Variants in SPATS2L observed in about 807,000 individuals in gnomAD.
SPATS2L encodes spermatogenesis associated serine rich 2 like, also known as SPATS2-like protein.
In SPATS2L, 30 loss-of-function variants were observed where a neutral mutation model predicts 59.6. The ratio of observed to expected loss-of-function variants is 0.50; its 90% CI spans 0.38 to 0.68. The LOEUF (loss-of-function observed/expected upper bound fraction) is 0.68. Ranked by LOEUF, SPATS2L falls within the 30% of genes least tolerant of loss-of-function variation. SPATS2L has a pLI of 0.00. For synonymous variants in SPATS2L, 252 were observed against 263.5 expected (o/e 0.96, Z 0.42); for missense variants, 615 against 700.0 (o/e 0.88, Z 1.37).
intron 1 of SPATS2L, among the ~76,000 whole-genome samples, chr2:200,309,292 G>A (rs1265781702): frequency 3.9e-5 from 6 of 152,206 alleles, no homozygotes. Flanking sequence ...TCTGAGGTGA[G>A]CCAGGACAAG....
Position 200,481,902 on chromosome 2 carries a change from G to C in SPATS2L, c.*3871G>C, listed in dbSNP as rs763643897. 2 of 152,234 alleles carry C rather than the reference G, an allele frequency of 1.3e-5. No individual in the cohort carries two copies. Among genetic ancestry groups the C allele is most frequent in the Non-Finnish European group, 2.9e-5 (2 of 68,096 alleles). The allele number at this position is 152,234 out of a possible 1,614,324, so 9.4% of individuals were successfully genotyped here. A position where few individuals can be genotyped will look rare whatever the true frequency, so the allele number is the denominator to read the frequency against. On this transcript the variant is annotated 3_prime_UTR_variant, in exon 13 of 13. Coordinates refer to ENST00000409140, the MANE Select transcript of SPATS2L (RefSeq NM_001100423.2). ...TCACCGTGTTAGCCAGGATGGTTTT[G>C]ATCTCCTGACCTCGTGATCCACCCC...
chr2:200,465,181 G>A (rs2086509844), intron 9 of SPATS2L, among the ~76,000 whole-genome samples: 1 of 152,192 alleles, frequency 6.6e-6, no homozygotes, highest in African/African-American at 2.4e-5. Context: ...TGCCAAATGG[G>A]GCAGGGGGAA....
At chr2:200,405,779 G>A (rs2082668898) in intron 3 of SPATS2L, among the ~76,000 whole-genome samples, 1 of 152,154 alleles carries the variant, frequency 6.6e-6, no homozygotes, top group Non-Finnish European at 1.5e-5. Flanking sequence ...TTGGTGTGAG[G>A]AGGAGGTTGC....
chr2:200,385,349 A>G (rs565061308), intron 2 of SPATS2L, among the ~76,000 whole-genome samples: 2 of 152,368 alleles, frequency 1.3e-5, no homozygotes, highest in South Asian at 4.1e-4. Context: ...GTGAAAATAT[A>G]TTGAAAAGTT....
Position 200,439,313 on chromosome 2 carries a change from T to C in SPATS2L, c.637T>C (p.Leu213=), listed in dbSNP as rs2106101342. Residue 213 remains leucine, a synonymous_variant, in exon 7 of 13, where the codon TTG becomes CTG. Coordinates refer to ENST00000409140, the MANE Select transcript of SPATS2L (RefSeq NM_001100423.2). ...TCATCTTGAAATAAAGCCAGATGAGTTGGCAAAGAAAAGAGGTAAAGTGAT... is the reference window on the plus strand; with the variant it reads ...TCATCTTGAAATAAAGCCAGATGAGCTGGCAAAGAAAAGAGGTAAAGTGAT... ...AAHLEIKPDE[L]AKKRGPNIEK... is the part of the protein sequence containing the mutation. The C allele has an allele frequency of 1.2e-6, 2 of 1,613,040 alleles. No homozygotes were observed. Among genetic ancestry groups the C allele is most frequent in the African/African-American group, 1.3e-5 (1 of 74,984 alleles).
At chr2:200,399,572 A>T (rs1354347666) in intron 3 of SPATS2L, among the ~76,000 whole-genome samples, 3 of 131,742 alleles carry the variant, frequency 2.3e-5, no homozygotes, top group East Asian at 5.5e-4. Context: ...CTGCCTTTAG[A>T]GGAAAAGCAA....
intron 8 of SPATS2L, among the ~76,000 whole-genome samples, chr2:200,456,456 G>T (rs899600952): frequency 2.0e-5 from 3 of 152,172 alleles, no homozygotes; most frequent in African/African-American, 7.2e-5. Context: ...CCTGTTGCTA[G>T]CCCAGAAGGT....
At position 200,444,927 on chromosome 2, in the gene SPATS2L, C is replaced by T. The variant is rs1185669101; in HGVS notation, c.788+4143C>T. ...AAACTCAGTTATCTTATGTAACTTA[C>T]TAAACTCATCCCTATGATAACCATG... On this transcript the variant is annotated intron_variant, in intron 8 of 12. Transcript: ENST00000409140. 2.0e-5 allele frequency among the ~76,000 whole-genome samples: 3 copies of T among 152,002 alleles called. No individual in the cohort carries two copies. In the South Asian group the frequency reaches 6.2e-4, roughly 32 times the overall value.
intron 2 of SPATS2L, among the ~76,000 whole-genome samples, chr2:200,346,217 A>G (rs2080507042): frequency 6.6e-6 from 1 of 152,208 alleles, no homozygotes; most frequent in Admixed American, 6.5e-5. Flanking sequence ...TCCTAATTCC[A>G]TGACTTCTGA....
chr2:200,372,164 A>G (rs1001217980), intron 2 of SPATS2L: 1 of 985,320 alleles, frequency 1.0e-6, no homozygotes, highest in Admixed American at 6.1e-5. Context: ...GCCTCATGGG[A>G]AACTCGGGAA....
chr2:200,435,148 T>C (rs2084193543), intron 6 of SPATS2L, among the ~76,000 whole-genome samples: 1 of 152,218 alleles, frequency 6.6e-6, no homozygotes, highest in Non-Finnish European at 1.5e-5. Context: ...TTATTGCCTA[T>C]TAATAAACCA....
chr2:200,320,778 A>G (rs916751606), intron 1 of SPATS2L, among the ~76,000 whole-genome samples: 10 of 152,344 alleles, frequency 6.6e-5, no homozygotes, highest in Non-Finnish European at 8.8e-5. Flanking sequence ...CAAGTAACAC[A>G]TATGGTGCTT....
rs2079417379 is a variant in SPATS2L, at chr2:200,317,461, C to T, written c.-73+10539C>T. Among the ~76,000 whole-genome samples, 3 of 152,166 alleles carry T rather than the reference C, an allele frequency of 2.0e-5. No individual in the cohort carries two copies. The South Asian group carries it at 6.2e-4, about 32-fold the overall frequency. On this transcript the variant is annotated intron_variant, in intron 1 of 12. Coordinates refer to ENST00000409140, the MANE Select transcript of SPATS2L (RefSeq NM_001100423.2). The stretch of plus-strand genomic sequence containing the variant: ...GTAAGTCAAACTTATCCTCATATCT[C>T]AGTATATCTCAATTCACCCTCCTTA...
At chr2:200,420,095 T>C (rs1324727273) in intron 6 of SPATS2L, among the ~76,000 whole-genome samples, 2 of 152,214 alleles carry the variant, frequency 1.3e-5, no homozygotes, top group African/African-American at 2.4e-5. Flanking sequence ...ATCTGGAACA[T>C]TAATTATTTG....
intron 11 of SPATS2L, among the ~76,000 whole-genome samples, chr2:200,471,289 T>C (rs1237710568): frequency 6.6e-6 from 1 of 152,214 alleles, no homozygotes; most frequent in Admixed American, 6.5e-5. Flanking sequence ...CTCTTCCTTA[T>C]GAAAGAATCT....
Position 200,306,907 on chromosome 2 carries a change from G to T in SPATS2L, c.-88G>T, listed in dbSNP as rs1293362616. Reference sequence around the variant, plus strand: ...GGCTCCGGCCCGGGACGGAGGAGCCGGCGCTCGACACAGAGGTAAGCCCAG... The same window carrying T: ...GGCTCCGGCCCGGGACGGAGGAGCCTGCGCTCGACACAGAGGTAAGCCCAG... On this transcript the variant is annotated 5_prime_UTR_variant, in exon 1 of 13. Transcript: ENST00000409140. 16 of 981,432 alleles carry T rather than the reference G, an allele frequency of 1.6e-5. No individual in the cohort carries two copies. The highest frequency in any genetic ancestry group is 3.5e-5 in the African/African-American group (2 of 56,776). The allele number at this position is 981,432 out of a possible 1,614,324, so 60.8% of individuals were successfully genotyped here.
intron 8 of SPATS2L, among the ~76,000 whole-genome samples, chr2:200,448,921 C>T (rs1024317672): frequency 2.6e-5 from 4 of 152,074 alleles, no homozygotes; most frequent in African/African-American, 9.7e-5. Context: ...ACAAATTGCC[C>T]AAAATGACTC....
intron 2 of SPATS2L, among the ~76,000 whole-genome samples, chr2:200,363,439 C>A (rs2081173769): frequency 6.6e-6 from 1 of 152,302 alleles, no homozygotes; most frequent in African/African-American, 2.4e-5. Context: ...CTGACAAGAC[C>A]AACCTGGATT....
At chr2:200,429,435 G>GGTGTGTGGCTACCAGAGGAAC (rs2083774406) in intron 6 of SPATS2L, among the ~76,000 whole-genome samples, 1 of 152,192 alleles carries the variant, frequency 6.6e-6, no homozygotes, top group Admixed American at 6.5e-5. Context: ...GATCGAAGAA[G>GGTGTGTGGCTACCAGAGGAAC]GTGTGTGGCT....
Sources: gnomAD v4.1 joint callset for allele counts (sites outside exome capture counted in the v4.1 genomes callset) on GRCh38, gnomAD v4.1.1 for gene constraint, MANE v1.5 for transcripts, NCBI Gene and HGNC (gene_info 2026-07-23, HGNC 2026-07-21) for gene names.